Variants in DIAPH2 observed in about 807,000 individuals in gnomAD.
DIAPH2 encodes diaphanous related formin 2, also known as protein diaphanous homolog 2.
A neutral mutation model predicts 92.7 loss-of-function variants in DIAPH2; 35 were observed. The ratio of observed to expected loss-of-function variants is 0.38; its 90% CI spans 0.29 to 0.50. DIAPH2 has a LOEUF of 0.50. DIAPH2 is among the 20% of genes least tolerant of loss of function. DIAPH2 has a pLI of 0.94. For synonymous variants in DIAPH2, 301 were observed against 280.4 expected (o/e 1.07, Z -0.73); for missense variants, 701 against 819.5 (o/e 0.86, Z 1.77).
intron 3 of DIAPH2, among the ~76,000 whole-genome samples, chrX:96,752,516 G>A (rs1016351275): frequency 8.9e-6 from 1 of 112,119 alleles, no homozygotes; most frequent in Non-Finnish European, 1.9e-5. Flanking sequence ...TGACACATAA[G>A]GAATTAATAT....
chrX:96,798,644 A>G (rs1295276234), intron 4 of DIAPH2, among the ~76,000 whole-genome samples: 6 of 111,394 alleles, frequency 5.4e-5, no homozygotes, highest in Non-Finnish European at 1.1e-4. Flanking sequence ...TTTTGATAGG[A>G]TGCTAGTTAT....
intron 24 of DIAPH2, among the ~76,000 whole-genome samples, chrX:97,378,761 A>C (rs745480737): frequency 5.4e-5 from 6 of 111,984 alleles, no homozygotes; most frequent in Admixed American, 1.9e-4. Context: ...CATTAAAACT[A>C]CTATCTCAGT....
intron 22 of DIAPH2, among the ~76,000 whole-genome samples, chrX:97,149,985 T>G (rs1260717464): frequency 9.1e-6 from 1 of 110,147 alleles, no homozygotes; most frequent in Non-Finnish European, 1.9e-5. Flanking sequence ...AAATAAGAGG[T>G]CTAAAACAGT....
chrX:96,980,273 G>A lies in DIAPH2; in HGVS notation c.2050+15066G>A, dbSNP rs746327538. Among the ~76,000 whole-genome samples, 34 of 111,235 alleles carry A rather than the reference G, an allele frequency of 3.1e-4. 1 individual carries two copies. The highest frequency in any genetic ancestry group is 2.2e-3 in the Admixed American group (23 of 10,473). ...TTGCCAATGGAAGTGGCTCTTAGCCGGAAGGAAAGCTGGGAAAGGGATGGA... is the reference window on the plus strand; with the variant it reads ...TTGCCAATGGAAGTGGCTCTTAGCCAGAAGGAAAGCTGGGAAAGGGATGGA... On this transcript the variant is annotated intron_variant, in intron 17 of 26. Transcript: ENST00000324765.
chrX:97,282,591 G>A (rs971527074), intron 23 of DIAPH2, among the ~76,000 whole-genome samples: 10 of 112,084 alleles, frequency 8.9e-5, no homozygotes, highest in Non-Finnish European at 1.9e-4. Context: ...TTACAGGCAT[G>A]AGCCACCATG....
chrX:97,017,522 G>T (rs1006936830), intron 17 of DIAPH2, among the ~76,000 whole-genome samples: 2 of 111,957 alleles, frequency 1.8e-5, no homozygotes, highest in African/African-American at 6.5e-5. Flanking sequence ...TATGTTCAAT[G>T]TAAGTTCCAC....
At chrX:96,979,209 C>T (rs1056867397) in intron 17 of DIAPH2, among the ~76,000 whole-genome samples, 3 of 112,277 alleles carry the variant, frequency 2.7e-5, no homozygotes, top group Non-Finnish European at 5.6e-5. Context: ...ATTTAAGAAG[C>T]TGCATACTCA....
intron 17 of DIAPH2, among the ~76,000 whole-genome samples, chrX:97,029,230 C>T (rs2147877153): frequency 9.3e-6 from 1 of 107,737 alleles, no homozygotes; most frequent in African/African-American, 3.4e-5. Flanking sequence ...TCACTGCAAC[C>T]TCCACCTCCC....
chrX:96,888,022 C>T (rs1461784659), intron 5 of DIAPH2, among the ~76,000 whole-genome samples: 2 of 108,047 alleles, frequency 1.9e-5, no homozygotes, highest in Non-Finnish European at 3.8e-5. Context: ...CCCTGTGATG[C>T]GTAGATTTAC....
At chrX:97,312,093 G>A (rs2068799514) in intron 23 of DIAPH2, among the ~76,000 whole-genome samples, 1 of 110,943 alleles carries the variant, frequency 9.0e-6, no homozygotes, top group Non-Finnish European at 1.9e-5. Context: ...CTCCCAAGGT[G>A]CTGGGATTAC....
intron 22 of DIAPH2, among the ~76,000 whole-genome samples, chrX:97,202,622 A>G (rs2067761819): frequency 8.9e-6 from 1 of 112,594 alleles, no homozygotes; most frequent in African/African-American, 3.2e-5. Context: ...CAATGCAACA[A>G]GAAGAGCTAA....
intron 26 of DIAPH2, among the ~76,000 whole-genome samples, chrX:97,522,807 C>T (rs746438097): frequency 8.9e-6 from 1 of 112,558 alleles, no homozygotes; most frequent in Admixed American, 9.4e-5. Context: ...TGCCCATGAA[C>T]ACTTCTTTCC....
intron 4 of DIAPH2, among the ~76,000 whole-genome samples, chrX:96,816,483 C>T (rs1436134188): frequency 8.9e-6 from 1 of 112,224 alleles, no homozygotes; most frequent in Admixed American, 9.4e-5. Context: ...TGCTCAACAT[C>T]ATTGATCATC....
At chrX:97,590,209 G>A (rs2071508013) in intron 26 of DIAPH2, among the ~76,000 whole-genome samples, 1 of 111,627 alleles carries the variant, frequency 9.0e-6, no homozygotes, top group African/African-American at 3.3e-5. Context: ...CAGGGTGAAT[G>A]AACGACTGCC....
At chrX:97,471,606 C>T (rs1268089885) in intron 26 of DIAPH2, among the ~76,000 whole-genome samples, 1 of 98,200 alleles carries the variant, frequency 1.0e-5, no homozygotes, top group Non-Finnish European at 2.0e-5. Context: ...AGGAGAATTG[C>T]TTGAACCTGG....
chrX:96,978,196 G>T (rs2065973851), intron 17 of DIAPH2, among the ~76,000 whole-genome samples: 1 of 111,417 alleles, frequency 9.0e-6, no homozygotes, highest in Non-Finnish European at 1.9e-5. Flanking sequence ...GTTCAAATCT[G>T]GTAGCTTTTC....
In DIAPH2 at chrX:97,563,412, G is replaced by T. The variant is rs376266711; in HGVS notation, c.3242-35841G>T. 9.0e-3 allele frequency among the ~76,000 whole-genome samples: 406 copies of T among 45,169 alleles called. 2 individuals carry two copies. Among genetic ancestry groups the T allele is most frequent in the African/African-American group, 0.025 (378 of 15,344 alleles). 39.2% of individuals were successfully genotyped at this position (45,169 alleles called of 115,157 possible). On this transcript the variant is annotated intron_variant, in intron 26 of 26. Coordinates refer to ENST00000324765, the MANE Select transcript of DIAPH2 (RefSeq NM_006729.5). The stretch of plus-strand genomic sequence containing the variant: ...TACTTTTCATCATCACTGTGAGGAA[G>T]GGTGAATTTTTTAATAAAAAGAAAA...
chrX:97,168,791 C>G (rs1602388369), intron 22 of DIAPH2, among the ~76,000 whole-genome samples: 1 of 111,801 alleles, frequency 8.9e-6, no homozygotes, highest in East Asian at 2.8e-4. Flanking sequence ...TGGAGAAGGC[C>G]CTCTTCCTGT....
At chrX:97,398,900 C>G (rs1480484533) in intron 25 of DIAPH2, among the ~76,000 whole-genome samples, 1 of 110,027 alleles carries the variant, frequency 9.1e-6, no homozygotes, top group African/African-American at 3.3e-5. Flanking sequence ...GCACCCACCA[C>G]CACGCCTGGC....
Sources: gnomAD v4.1 joint callset for allele counts (sites outside exome capture counted in the v4.1 genomes callset) on GRCh38, gnomAD v4.1.1 for gene constraint, MANE v1.5 for transcripts, NCBI Gene and HGNC (gene_info 2026-07-23, HGNC 2026-07-21) for gene names.